TMEM207: variants seen among roughly 807,000 people sequenced by gnomAD.
The protein encoded by TMEM207 is SRSR846.
TMEM207 carries 15 observed loss-of-function variants against 17.4 expected under a neutral mutation model. That is an observed-to-expected ratio of 0.86 (90% CI 0.58 to 1.33). The LOEUF is 1.33. Ranked by LOEUF, TMEM207 falls within the 40% of genes most tolerant of loss-of-function variation. TMEM207 has a pLI of 0.00. For missense variants in TMEM207, 205 were observed against 173.8 expected (o/e 1.18, Z -1.01); for synonymous variants, 70 against 65.6 (o/e 1.07, Z -0.33).
chr3:190,438,253 A>C lies in TMEM207; in HGVS notation c.304+1991T>G, dbSNP rs772231967. Among the ~76,000 whole-genome samples the C allele has an allele frequency of 1.9e-3, 293 of 152,026 alleles. 3 individuals carry two copies. Among genetic ancestry groups the C allele is most frequent in the Non-Finnish European group, 2.4e-3 (160 of 67,976 alleles). On this transcript the variant is annotated intron_variant, in intron 4 of 4. Coordinates refer to ENST00000354905, the MANE Select transcript of TMEM207 (RefSeq NM_207316.3). ...CTAAAACTTAAAGTATAATAATAAT[A>C]ATTAAAAAAAAGCAATTTATCCCCA...
At chr3:190,437,382 G>A (rs1445233159) in intron 4 of TMEM207, among the ~76,000 whole-genome samples, 2 of 152,198 alleles carry the variant, frequency 1.3e-5, no homozygotes, top group Non-Finnish European at 2.9e-5. Context: ...ATGCATGTAT[G>A]TGTCCCTTTG....
chr3:190,442,589 G>A (rs1291334616), intron 2 of TMEM207, among the ~76,000 whole-genome samples: 6 of 151,904 alleles, frequency 3.9e-5, no homozygotes, highest in East Asian at 1.9e-4. Context: ...AAATCTCTGC[G>A]TCTTTTTCTT....
intron 1 of TMEM207, among the ~76,000 whole-genome samples, chr3:190,448,611 A>G (rs1282342342): frequency 6.6e-6 from 1 of 152,132 alleles, no homozygotes; most frequent in African/African-American, 2.4e-5. Flanking sequence ...AAGTCTTTAA[A>G]CGGCATTTAT....
intron 3 of TMEM207, among the ~76,000 whole-genome samples, chr3:190,440,756 T>C (rs1171470695): frequency 1.3e-5 from 2 of 152,112 alleles, no homozygotes; most frequent in Non-Finnish European, 2.9e-5. Flanking sequence ...ACTTTAGATA[T>C]TGGGGATAGG....
At chr3:190,431,251 C>T (rs1190776565) in intron 4 of TMEM207, among the ~76,000 whole-genome samples, 1 of 151,976 alleles carries the variant, frequency 6.6e-6, no homozygotes, top group African/African-American at 2.4e-5. Context: ...GTATAATACT[C>T]GTGTCTACCT....
chr3:190,437,746 G>C (rs1719833933), intron 4 of TMEM207, among the ~76,000 whole-genome samples: 1 of 152,046 alleles, frequency 6.6e-6, no homozygotes, highest in Non-Finnish European at 1.5e-5. Flanking sequence ...TCTCATTACT[G>C]GGTGTATACC....
At chr3:190,444,443 A>G (rs961140801) in intron 2 of TMEM207, 1 of 985,086 alleles carries the variant, frequency 1.0e-6, no homozygotes, top group African/African-American at 1.7e-5. Flanking sequence ...TACCATGTGG[A>G]GTATTGCCTG....
At chr3:190,439,718 G>A (rs1719887198) in intron 4 of TMEM207, among the ~76,000 whole-genome samples, 2 of 152,146 alleles carry the variant, frequency 1.3e-5, no homozygotes, top group African/African-American at 2.4e-5. Flanking sequence ...GAGCTGACAG[G>A]ATCAGGACGC....
At chr3:190,432,788 A>G (rs968988014) in intron 4 of TMEM207, among the ~76,000 whole-genome samples, 2 of 152,142 alleles carry the variant, frequency 1.3e-5, no homozygotes, top group African/African-American at 4.8e-5. Context: ...CTATTTTCCC[A>G]GAAATAAGAA....
chr3:190,432,068 C>T (rs914527565), intron 4 of TMEM207, among the ~76,000 whole-genome samples: 1 of 152,074 alleles, frequency 6.6e-6, no homozygotes, highest in Non-Finnish European at 1.5e-5. Flanking sequence ...GCTGAGAGAA[C>T]TGAATTAAAA....
At chr3:190,431,539 T>C (rs1259989177) in intron 4 of TMEM207, among the ~76,000 whole-genome samples, 2 of 152,088 alleles carry the variant, frequency 1.3e-5, no homozygotes, top group African/African-American at 2.4e-5. Flanking sequence ...TAAGTTTGGG[T>C]TGATGTCAGA....
At chr3:190,444,570 T>A in intron 2 of TMEM207, 36 of 422,190 alleles carry the variant, frequency 8.5e-5, no homozygotes, top group Non-Finnish European at 1.1e-4. Flanking sequence ...AATAGTGAGA[T>A]CAGTTTGTAA....
intron 1 of TMEM207, among the ~76,000 whole-genome samples, chr3:190,448,898 A>G (rs1163004254): frequency 1.3e-5 from 2 of 152,206 alleles, no homozygotes; most frequent in Non-Finnish European, 2.9e-5. Context: ...ACAATTTATA[A>G]GCACAGAAAA....
intron 1 of TMEM207, among the ~76,000 whole-genome samples, chr3:190,449,514 T>C (rs754845950): frequency 5.9e-5 from 9 of 152,216 alleles, no homozygotes; most frequent in Non-Finnish European, 1.2e-4. Context: ...TCAGTAGCAA[T>C]AGAACTAATT....
chr3:190,433,041 C>G (rs1471501391), intron 4 of TMEM207, among the ~76,000 whole-genome samples: 2 of 152,130 alleles, frequency 1.3e-5, no homozygotes, highest in Admixed American at 1.3e-4. Flanking sequence ...GGCATAAAGG[C>G]AAAGGGACCC....
At chr3:190,442,640 G>C (rs146019474) in intron 2 of TMEM207, among the ~76,000 whole-genome samples, 1 of 151,488 alleles carries the variant, frequency 6.6e-6, no homozygotes. Flanking sequence ...TCTTTTGAGC[G>C]CCCAGAGTGT....
At chr3:190,432,140 T>A (rs1719704970) in intron 4 of TMEM207, among the ~76,000 whole-genome samples, 1 of 152,148 alleles carries the variant, frequency 6.6e-6, no homozygotes, top group Non-Finnish European at 1.5e-5. Context: ...AGTTTACTGT[T>A]TAATTTTGTA....
At chr3:190,434,171 T>C (rs1327885382) in intron 4 of TMEM207, among the ~76,000 whole-genome samples, 1 of 152,136 alleles carries the variant, frequency 6.6e-6, no homozygotes, top group Non-Finnish European at 1.5e-5. Flanking sequence ...AGTTGTATTA[T>C]CACTTAGGAG....
chr3:190,446,185 T>G (rs1720041115), intron 2 of TMEM207, among the ~76,000 whole-genome samples: 1 of 152,322 alleles, frequency 6.6e-6, no homozygotes, highest in Non-Finnish European at 1.5e-5. Context: ...GGTAAATGGA[T>G]GAATATGGTC....
Sources: allele counts gnomAD v4.1 joint callset (sites outside exome capture counted in the v4.1 genomes callset), GRCh38; gene constraint gnomAD v4.1.1; transcripts MANE v1.5; gene names NCBI Gene and HGNC (gene_info 2026-07-23, HGNC 2026-07-21).